CHN2: variants seen among roughly 807,000 people sequenced by gnomAD.
CHN2 encodes the protein chimerin 2, also known as beta-chimaerin.
In CHN2, 35 loss-of-function variants were observed where a neutral mutation model predicts 56.3. The observed-to-expected ratio is 0.62, with a 90% CI of 0.47 to 0.82. CHN2 has a LOEUF of 0.82. Among genes scored for constraint, CHN2 ranks in the 40% least tolerant of loss-of-function variants. The pLI, the probability that CHN2 is intolerant of heterozygous loss-of-function variation, is 0.00. For missense variants in CHN2, 491 were observed against 580.5 expected (o/e 0.85, Z 1.58); for synonymous variants, 210 against 212.8 (o/e 0.99, Z 0.12).
chr7:29,254,553 G>C (rs561966850), intron 1 of CHN2, among the ~76,000 whole-genome samples: 6 of 152,312 alleles, frequency 3.9e-5, no homozygotes, highest in Non-Finnish European at 7.3e-5. Flanking sequence ...GCTCTAAGGA[G>C]TTTAAGCAGA....
At chr7:29,285,397 C>A (rs760155598) in intron 1 of CHN2, among the ~76,000 whole-genome samples, 2 of 152,212 alleles carry the variant, frequency 1.3e-5, no homozygotes, top group Non-Finnish European at 2.9e-5. Context: ...AGCTGCCAGT[C>A]CCTTCTCTCC....
At position 29,400,714 on chromosome 7, in the gene CHN2, A is replaced by G; in HGVS notation, c.462A>G (p.Glu154=). 1 of 1,614,186 alleles carries G rather than the reference A, an allele frequency of 6.2e-7. No homozygotes were observed. Among genetic ancestry groups the G allele is most frequent in the Non-Finnish European group, 8.5e-7 (1 of 1,180,032 alleles). The change falls in exon 6 of 13, where the codon GAA becomes GAG. Residue 154 remains glutamate (E), a synonymous_variant. Transcript: ENST00000222792. ...ISKMTTNPIY[E]HIGYATLLRE... Reference sequence around the variant, plus strand: ...AAATGACAACTAACCCCATCTATGAACACATTGGATATGCCACCCTACTCA... The same window carrying G: ...AAATGACAACTAACCCCATCTATGAGCACATTGGATATGCCACCCTACTCA...
intron 1 of CHN2, among the ~76,000 whole-genome samples, chr7:29,258,583 A>G (rs1789263817): frequency 2.0e-5 from 3 of 152,188 alleles, no homozygotes; most frequent in Admixed American, 1.3e-4. Context: ...TGCACTTGCT[A>G]TCTGTACTAC....
chr7:29,261,954 G>T (rs1363445709), intron 1 of CHN2, among the ~76,000 whole-genome samples: 3 of 152,162 alleles, frequency 2.0e-5, no homozygotes, highest in Non-Finnish European at 4.4e-5. Flanking sequence ...GATCACTTGA[G>T]GTCAGGAGTT....
intron 2 of CHN2, among the ~76,000 whole-genome samples, chr7:29,151,207 T>C (rs1179745127): frequency 6.6e-6 from 1 of 152,322 alleles, no homozygotes; most frequent in African/African-American, 2.4e-5. Flanking sequence ...ACATGGTAAT[T>C]ATTTCTAATA....
At chr7:29,330,710 TA>T (rs1248787448) in intron 1 of CHN2, among the ~76,000 whole-genome samples, 1 of 152,206 alleles carries the variant, frequency 6.6e-6, no homozygotes. Context: ...AACAACCCCT[TA>T]ACTTTGAAGC....
chr7:29,376,797 C>G (rs1251815575), intron 3 of CHN2, among the ~76,000 whole-genome samples: 1 of 152,120 alleles, frequency 6.6e-6, no homozygotes, highest in Non-Finnish European at 1.5e-5. Flanking sequence ...TATTTTCCAC[C>G]CTTTAAAAAT....
intron 4 of CHN2, among the ~76,000 whole-genome samples, chr7:29,394,668 C>T (rs887357157): frequency 9.2e-5 from 14 of 152,178 alleles, no homozygotes; most frequent in African/African-American, 3.4e-4. Flanking sequence ...ACCCCATGCC[C>T]CTACTGTCTA....
At chr7:29,313,758 G>A (rs1028306054) in intron 1 of CHN2, among the ~76,000 whole-genome samples, 11 of 152,224 alleles carry the variant, frequency 7.2e-5, no homozygotes, top group African/African-American at 2.4e-4. Flanking sequence ...CTGGCTCTTC[G>A]TGTTCATACC....
Position 29,400,536 on chromosome 7 carries a change from C to T in CHN2, c.291-7C>T, listed in dbSNP as rs140592115. 5.9e-4 allele frequency: 955 copies of T among 1,612,928 alleles called. 4 individuals carry two copies. The East Asian group carries it at 9.5e-3, about 16-fold the overall frequency. ...GTGGTTGTAATCCCTCATTCTCTCA[C>T]GGGCAGGTTTGGAAACCAGACCTTA... On this transcript the variant is annotated splice_region_variant and splice_polypyrimidine_tract_variant and intron_variant, in intron 5 of 12. Transcript: ENST00000222792.
At chr7:29,510,438 C>T (rs971700020) in intron 12 of CHN2, among the ~76,000 whole-genome samples, 44 of 152,098 alleles carry the variant, frequency 2.9e-4, no homozygotes, top group African/African-American at 1.0e-3. Context: ...GACGCTGTCT[C>T]AAGAACAAAA....
intron 3 of CHN2, among the ~76,000 whole-genome samples, chr7:29,374,529 G>T (rs1245819750): frequency 1.3e-5 from 2 of 152,068 alleles, no homozygotes; most frequent in African/African-American, 4.8e-5. Flanking sequence ...ATCCCCGCAA[G>T]TATGCACCTA....
In CHN2 at chr7:29,269,707, C is replaced by A. The variant is rs544890485; in HGVS notation, c.49+74717C>A. ...AACTTTAGCATTTTAATCTTAAATTCTTTAGCAACCAGTTCATAAGAGGAG... is the reference window on the plus strand; with the variant it reads ...AACTTTAGCATTTTAATCTTAAATTATTTAGCAACCAGTTCATAAGAGGAG... On this transcript the variant is annotated intron_variant, in intron 1 of 12. Transcript: ENST00000222792. Among the ~76,000 whole-genome samples the A allele has an allele frequency of 7.9e-5, 12 of 152,294 alleles. No homozygotes were observed. The South Asian group carries it at 2.3e-3, about 29-fold the overall frequency.
intron 3 of CHN2, among the ~76,000 whole-genome samples, chr7:29,384,912 G>C (rs1387834608): frequency 1.3e-5 from 2 of 152,154 alleles, no homozygotes. Context: ...CATGCTGTGA[G>C]GTGTGGAGTC....
chr7:29,504,858 T>C (rs1790393082), intron 10 of CHN2, 37 bp downstream of exon 10: 1 of 1,395,960 alleles, frequency 7.2e-7, no homozygotes, highest in African/African-American at 1.4e-5. Flanking sequence ...TCTGACATCC[T>C]AACACCCTTC....
chr7:29,243,568 A>G (rs927714896), intron 1 of CHN2, among the ~76,000 whole-genome samples: 3 of 152,192 alleles, frequency 2.0e-5, no homozygotes, highest in African/African-American at 4.8e-5. Context: ...AGTTTATCAT[A>G]GTTTATTATA....
chr7:29,373,745 C>T lies in CHN2; in HGVS notation c.144+5758C>T, dbSNP rs563555345. ...ATCTAGACTTCACAATCTTGTAGCT[C>T]GAGGACATTTATCTTGTCTTAGGCA... is the stretch of plus-strand genomic sequence containing the variant. On this transcript the variant is annotated intron_variant, in intron 3 of 12. Transcript: ENST00000222792. Among the ~76,000 whole-genome samples, 9 of 152,198 alleles carry T rather than the reference C, an allele frequency of 5.9e-5. No individual in the cohort carries two copies. The East Asian group carries it at 1.7e-3, about 29-fold the overall frequency.
At chr7:29,195,090 G>A in intron 1 of CHN2, 100 bp downstream of exon 1, 1 of 1,311,350 alleles carries the variant, frequency 7.6e-7, no homozygotes, top group Non-Finnish European at 1.0e-6. Flanking sequence ...TGGCCATCCC[G>A]CCCGCTCTCT....
chr7:29,433,698 G>C (rs961664701), intron 6 of CHN2, among the ~76,000 whole-genome samples: 2 of 152,130 alleles, frequency 1.3e-5, no homozygotes, highest in African/African-American at 4.8e-5. Context: ...AGTTAGTTGG[G>C]TGTGGTGGCA....
Sources: gnomAD v4.1 joint callset for allele counts (sites outside exome capture counted in the v4.1 genomes callset) on GRCh38, gnomAD v4.1.1 for gene constraint, MANE v1.5 for transcripts, NCBI Gene and HGNC (gene_info 2026-07-23, HGNC 2026-07-21) for gene names.